Variants in SPOCK1 observed in about 807,000 individuals in gnomAD.
SPOCK1 encodes testican-1.
SPOCK1 carries 23 observed loss-of-function variants against 55.3 expected under a neutral mutation model. The observed-to-expected ratio is 0.42, with a 90% CI of 0.30 to 0.59. SPOCK1 has a LOEUF of 0.59. Ranked by LOEUF, SPOCK1 falls within the 20% of genes least tolerant of loss-of-function variation. The pLI, the probability that SPOCK1 is intolerant of heterozygous loss-of-function variation, is 0.22. For missense variants in SPOCK1, 499 were observed against 552.5 expected (o/e 0.90, Z 0.97); for synonymous variants, 226 against 221.0 (o/e 1.02, Z -0.20).
At chr5:137,302,533 T>C (rs1757618841) in intron 2 of SPOCK1, among the ~76,000 whole-genome samples, 1 of 151,622 alleles carries the variant, frequency 6.6e-6, no homozygotes. Context: ...GGGGAGATTG[T>C]GCCATTGCAC....
chr5:137,062,771 G>A (rs1161843532), intron 6 of SPOCK1, among the ~76,000 whole-genome samples: 1 of 151,960 alleles, frequency 6.6e-6, no homozygotes, highest in Non-Finnish European at 1.5e-5. Flanking sequence ...CCAACGCAGA[G>A]ATTTCAATTT....
At chr5:137,247,256 G>A (rs1285715595) in intron 3 of SPOCK1, among the ~76,000 whole-genome samples, 1 of 152,104 alleles carries the variant, frequency 6.6e-6, no homozygotes, top group African/African-American at 2.4e-5. Context: ...CCTGGCCCAG[G>A]GCCTGGCAAG....
intron 3 of SPOCK1, among the ~76,000 whole-genome samples, chr5:137,209,338 A>G (rs1755570382): frequency 1.3e-5 from 2 of 152,222 alleles, no homozygotes; most frequent in African/African-American, 4.8e-5. Flanking sequence ...TAACCAGGCC[A>G]TGTCAGAGCC....
At chr5:137,024,261 T>C (rs561730778) in intron 6 of SPOCK1, among the ~76,000 whole-genome samples, 1 of 138,564 alleles carries the variant, frequency 7.2e-6, no homozygotes, top group South Asian at 2.5e-4. Flanking sequence ...TATGTTCGGC[T>C]GCTGATCTGC....
At chr5:137,031,699 G>C (rs982995544) in intron 6 of SPOCK1, among the ~76,000 whole-genome samples, 5 of 152,088 alleles carry the variant, frequency 3.3e-5, no homozygotes, top group Non-Finnish European at 7.4e-5. Flanking sequence ...CAACTAACAG[G>C]AATTATCAGA....
chr5:137,332,241 G>A (rs1360735007), intron 2 of SPOCK1, among the ~76,000 whole-genome samples: 2 of 151,752 alleles, frequency 1.3e-5, no homozygotes, highest in African/African-American at 4.8e-5. Context: ...TCACAAGACT[G>A]TGCCCCTCCC....
chr5:137,214,412 C>A (rs1755675000), intron 3 of SPOCK1, among the ~76,000 whole-genome samples: 1 of 152,208 alleles, frequency 6.6e-6, no homozygotes, highest in Non-Finnish European at 1.5e-5. Flanking sequence ...GATGTCACTT[C>A]TACAAGGCTG....
chr5:137,161,346 C>T (rs1414727813), intron 3 of SPOCK1, among the ~76,000 whole-genome samples: 1 of 151,668 alleles, frequency 6.6e-6, no homozygotes, highest in African/African-American at 2.4e-5. Flanking sequence ...AGTTGAAATG[C>T]AGCAGTAAAC....
At chr5:137,453,018 G>T (rs1259368497) in intron 2 of SPOCK1, among the ~76,000 whole-genome samples, 2 of 152,174 alleles carry the variant, frequency 1.3e-5, no homozygotes, top group Non-Finnish European at 2.9e-5. Flanking sequence ...AAAAAGAGAA[G>T]ATGAATGTTA....
At chr5:137,055,052 A>G (rs560136124) in intron 6 of SPOCK1, among the ~76,000 whole-genome samples, 5 of 152,258 alleles carry the variant, frequency 3.3e-5, no homozygotes, top group Admixed American at 1.3e-4. Context: ...AAATTATAGA[A>G]ACGTACTCAG....
chr5:137,215,346 A>G (rs1755696032), intron 3 of SPOCK1, among the ~76,000 whole-genome samples: 1 of 152,154 alleles, frequency 6.6e-6, no homozygotes, highest in South Asian at 2.1e-4. Flanking sequence ...CAGACCAGGA[A>G]AGGAAGAACT....
chr5:137,486,280 A>T (rs1471262254), intron 2 of SPOCK1, among the ~76,000 whole-genome samples: 3 of 152,168 alleles, frequency 2.0e-5, no homozygotes, highest in Non-Finnish European at 2.9e-5. Context: ...AGGCAAACTG[A>T]AGTGACCTGA....
At chr5:137,068,839 C>T in intron 5 of SPOCK1, among the ~76,000 whole-genome samples, 1 of 152,192 alleles carries the variant, frequency 6.6e-6, no homozygotes, top group Admixed American at 6.5e-5. Context: ...TTGTCTGAGA[C>T]TTTACTCCTT....
At chr5:137,299,704 T>G (rs1757549980) in intron 2 of SPOCK1, among the ~76,000 whole-genome samples, 1 of 152,160 alleles carries the variant, frequency 6.6e-6, no homozygotes, top group Non-Finnish European at 1.5e-5. Context: ...AAATTTAAAT[T>G]TAAAATATTT....
chr5:137,180,226 C>T (rs1037915866), intron 3 of SPOCK1, among the ~76,000 whole-genome samples: 1 of 152,106 alleles, frequency 6.6e-6, no homozygotes, highest in African/African-American at 2.4e-5. Context: ...CACATGCAAG[C>T]ACTTGTTGAG....
intron 2 of SPOCK1, among the ~76,000 whole-genome samples, chr5:137,284,871 T>G (rs1757232546): frequency 6.6e-6 from 1 of 152,132 alleles, no homozygotes; most frequent in Non-Finnish European, 1.5e-5. Context: ...GAACAGCTGG[T>G]CCCAAACCAA....
rs569640877 is a variant in SPOCK1 at position 137,343,831 on chromosome 5, AT to A, written c.187-76777del. ...CTGTAAGGTGCTGGGGGCTACTGACATTCCCCCAGTTAACTGACTTCCAGTG... is the reference window on the plus strand; with the variant it reads ...CTGTAAGGTGCTGGGGGCTACTGACATCCCCCAGTTAACTGACTTCCAGTG... On this transcript the variant is annotated intron_variant, in intron 2 of 10. Transcript: ENST00000394945. 7.2e-5 allele frequency among the ~76,000 whole-genome samples: 11 copies of A among 152,306 alleles called. No individual in the cohort carries two copies. The South Asian group carries it at 2.1e-3, about 29-fold the overall frequency.
In SPOCK1 at chr5:137,384,575, T is replaced by TAC. The variant is rs200419832; in HGVS notation, c.186+113797_186+113798insGT. Among the ~76,000 whole-genome samples, 372 of 136,706 alleles carry TAC rather than the reference T, an allele frequency of 2.7e-3. 11 individuals are homozygous for TAC. Among genetic ancestry groups the TAC allele is most frequent in the African/African-American group, 0.01 (341 of 33,706 alleles). 89.7% of individuals were successfully genotyped at this position (136,706 alleles called of 152,430 possible). A position where few individuals can be genotyped will look rare whatever the true frequency, so the allele number is the denominator to read the frequency against. ...ATATACATACATACATATATATATA[T>TAC]ATATGTATGTATTTTTTTTTCCCCC... On this transcript the variant is annotated intron_variant, in intron 2 of 10. Coordinates refer to ENST00000394945, the MANE Select transcript of SPOCK1 (RefSeq NM_004598.4).
chr5:137,221,817 A>T (rs17171101), intron 3 of SPOCK1, among the ~76,000 whole-genome samples: 6,807 of 152,302 alleles, frequency 0.045, 501 homozygotes, highest in African/African-American at 0.15. Flanking sequence ...GTGGAGAAAC[A>T]AGGCAATAAT....
Sources: gnomAD v4.1 joint callset for allele counts (sites outside exome capture counted in the v4.1 genomes callset) on GRCh38, gnomAD v4.1.1 for gene constraint, MANE v1.5 for transcripts, NCBI Gene and HGNC (gene_info 2026-07-23, HGNC 2026-07-21) for gene names.